SPDL1: variants seen among roughly 807,000 people sequenced by gnomAD.
The protein encoded by SPDL1 is protein Spindly.
A neutral mutation model predicts 79.5 loss-of-function variants in SPDL1; 85 were observed. That is an observed-to-expected ratio of 1.07 (90% CI 0.90 to 1.28). The LOEUF is 1.28. Among genes scored for constraint, SPDL1 ranks in the 50% most tolerant of loss-of-function variants. The pLI, the probability that SPDL1 is intolerant of heterozygous loss-of-function variation, is 0.00. For missense variants in SPDL1, 703 were observed against 697.8 expected (o/e 1.01, Z -0.08); for synonymous variants, 269 against 240.3 (o/e 1.12, Z -1.10).
At chr5:169,593,276 G>A in intron 3 of SPDL1, 78 bp from the exon 4 acceptor site, 2 of 1,274,512 alleles carry the variant, frequency 1.6e-6, no homozygotes, top group Non-Finnish European at 2.1e-6. Flanking sequence ...AGTAAGTTTG[G>A]TTCAATCAGT....
intron 1 of SPDL1, among the ~76,000 whole-genome samples, chr5:169,584,560 T>G (rs1191098466): frequency 6.6e-6 from 1 of 152,210 alleles, no homozygotes; most frequent in African/African-American, 2.4e-5. Flanking sequence ...CTTGTCCAAG[T>G]TCATGCAGCC....
Position 169,601,521 on chromosome 5 carries a change from G to A in SPDL1, c.1566G>A (p.Val522=), listed in dbSNP as rs773385293. The change falls in exon 11 of 12, where the codon GTG becomes GTA. Residue 522 remains valine (V), a synonymous_variant. Coordinates refer to ENST00000265295, the MANE Select transcript of SPDL1 (RefSeq NM_017785.5). ...TCTCTCCTCACAAAAATCTGCCCGT[G>A]GATATGCAGCTGAAGAAGGAAAAGA... ...VSLSPHKNLP[V]DMQLKKEKKC... 6.2e-7 allele frequency: 1 copy of A among 1,614,076 alleles called. No homozygotes were observed. Among genetic ancestry groups the A allele is most frequent in the East Asian group, 2.2e-5 (1 of 44,876 alleles).
In SPDL1 at chr5:169,604,286, A is replaced by G; in HGVS notation, c.*79A>G. The G allele has an allele frequency of 7.6e-7, 1 of 1,321,688 alleles. No homozygotes were observed. The highest frequency in any genetic ancestry group is 1.0e-6 in the Non-Finnish European group (1 of 988,146). 81.9% of individuals were successfully genotyped at this position (1,321,688 alleles called of 1,614,324 possible). A position where few individuals can be genotyped will look rare whatever the true frequency, so the allele number is the denominator to read the frequency against. ...GCTTAAGATTGTCTTGATCTGACAT[A>G]TATCACCTTCTGGGTTATTTACTCA... On this transcript the variant is annotated 3_prime_UTR_variant, in exon 12 of 12. Transcript: ENST00000265295.
Position 169,594,225 on chromosome 5 carries a change from G to A in SPDL1, c.612G>A (p.Gln204=), listed in dbSNP as rs755197562. The A allele has an allele frequency of 1.8e-5, 29 of 1,613,988 alleles. No homozygotes were observed. In the South Asian group the frequency reaches 3.2e-4, roughly 18 times the overall value. The change falls in exon 5 of 12, where the codon CAG becomes CAA. Residue 204 remains glutamine, a synonymous_variant. Coordinates refer to ENST00000265295, the MANE Select transcript of SPDL1 (RefSeq NM_017785.5). ...LELLITNLMR[Q]VDRLKEEKEE... ...TTCTTATTACTAACCTAATGCGCCA[G>A]GTAGACCGGCTTAAAGAGGAAAAAG...
At chr5:169,585,096 ATC>A (rs908690941) in intron 1 of SPDL1, among the ~76,000 whole-genome samples, 1 of 152,156 alleles carries the variant, frequency 6.6e-6, no homozygotes, top group African/African-American at 2.4e-5. Context: ...AACCACGGCT[ATC>A]TCTCTTTGTA....
rs778765909 is a variant in SPDL1, at chr5:169,601,578, C to T, written c.1623C>T (p.Asp541=). The change falls in exon 11 of 12, where the codon GAC becomes GAT. Residue 541 remains aspartate (D), a synonymous_variant. Transcript: ENST00000265295. ...TGAAACTCATAGGAGTTCCCGCTGA[C>T]GCTGAGGCCTTAAGTGAAAGAAGTG... ...KCVKLIGVPA[D]AEALSERSGN... is the part of the protein sequence containing the mutation. The T allele has an allele frequency of 9.3e-6, 15 of 1,614,186 alleles. No homozygotes were observed. Among genetic ancestry groups the T allele is most frequent in the Middle Eastern group, 1.6e-4 (1 of 6,062 alleles).
chr5:169,599,231 C>T lies in SPDL1; in HGVS notation c.1324+72C>T, dbSNP rs940296522. 5.3e-6 allele frequency: 6 copies of T among 1,128,184 alleles called. No individual in the cohort carries two copies. The African/African-American group carries it at 7.9e-5, about 15-fold the overall frequency. The allele number at this position is 1,128,184 out of a possible 1,614,324, so 69.9% of individuals were successfully genotyped here. A position where few individuals can be genotyped will look rare whatever the true frequency, so the allele number is the denominator to read the frequency against. On this transcript the variant is annotated intron_variant, in intron 10 of 11. Coordinates refer to ENST00000265295, the MANE Select transcript of SPDL1 (RefSeq NM_017785.5). The stretch of plus-strand genomic sequence containing the variant: ...GAAATTATATCAAATTATTTTCTTA[C>T]TGTAGTTTTATGCAACTCTATTACA...
chr5:169,598,722 C>T (rs2113378309), intron 9 of SPDL1, 143 bp downstream of exon 9: 1 of 927,482 alleles, frequency 1.1e-6, no homozygotes, highest in East Asian at 2.4e-5. Context: ...TGCAGATATT[C>T]ATGTGTGAAT....
At chr5:169,588,627 T>A (rs764207425) in intron 2 of SPDL1, 52 bp downstream of exon 2, 2 of 1,508,066 alleles carry the variant, frequency 1.3e-6, no homozygotes, top group Non-Finnish European at 8.9e-7. Flanking sequence ...TATTGAAGAT[T>A]TGTCCTGTTT....
At chr5:169,587,198 G>A (rs1243701414) in intron 1 of SPDL1, 1 of 152,070 alleles carries the variant, frequency 6.6e-6, no homozygotes, top group African/African-American at 2.4e-5. Flanking sequence ...TGGAATGTAA[G>A]TTTCATGAGG....
rs188740743 is a variant in SPDL1, at chr5:169,598,833, T to G, written c.1137-139T>G. 217 of 1,197,270 alleles carry G rather than the reference T, an allele frequency of 1.8e-4. 2 individuals carry two copies. The East Asian group carries it at 2.7e-3, about 15-fold the overall frequency. 74.2% of individuals were successfully genotyped at this position (1,197,270 alleles called of 1,614,324 possible). The stretch of plus-strand genomic sequence containing the variant: ...TATTGTTAAGGATTATTTAAATTGT[T>G]TATTGTTTCTTTGTTACTAAAAACC... On this transcript the variant is annotated intron_variant, in intron 9 of 11. Transcript: ENST00000265295.
intron 1 of SPDL1, among the ~76,000 whole-genome samples, chr5:169,587,728 G>A (rs137959150): frequency 2.4e-4 from 36 of 152,110 alleles, no homozygotes; most frequent in Non-Finnish European, 4.9e-4. Context: ...CTTTTCTGGT[G>A]GTATTATTGT....
intron 2 of SPDL1, among the ~76,000 whole-genome samples, chr5:169,590,052 A>T (rs1377484868): frequency 2.6e-5 from 4 of 152,196 alleles, no homozygotes; most frequent in Non-Finnish European, 5.9e-5. Flanking sequence ...ACTCCATGAG[A>T]GAGGGAATTT....
chr5:169,601,270 T>C lies in SPDL1; in HGVS notation c.1325-10T>C. Reference sequence around the variant, plus strand: ...GATTTTTTCTTTTCCCCACTCGTTTTTATTCTCAGAGACAGTTGAAGTGCC... The same window carrying C: ...GATTTTTTCTTTTCCCCACTCGTTTCTATTCTCAGAGACAGTTGAAGTGCC... On this transcript the variant is annotated splice_polypyrimidine_tract_variant and intron_variant, in intron 10 of 11. Coordinates refer to ENST00000265295, the MANE Select transcript of SPDL1 (RefSeq NM_017785.5). The C allele has an allele frequency of 6.3e-7, 1 of 1,579,114 alleles. No homozygotes were observed.
chr5:169,586,897 G>A (rs1195481733), intron 1 of SPDL1, among the ~76,000 whole-genome samples: 3 of 152,138 alleles, frequency 2.0e-5, no homozygotes, highest in Non-Finnish European at 4.4e-5. Flanking sequence ...ACTTTGGAAT[G>A]ACTTCCCATG....
chr5:169,587,200 T>G (rs1755030943), intron 1 of SPDL1: 1 of 152,204 alleles, frequency 6.6e-6, no homozygotes, highest in Non-Finnish European at 1.5e-5. Flanking sequence ...GAATGTAAGT[T>G]TCATGAGGGA....
At chr5:169,594,066 A>G (rs1755443191) in intron 4 of SPDL1, 79 bp from the exon 5 acceptor site, 1 of 1,236,912 alleles carries the variant, frequency 8.1e-7, no homozygotes, top group South Asian at 1.5e-5. Context: ...GATGTGAACC[A>G]CAACTGAGAT....
chr5:169,603,298 G>A (rs996438942), intron 11 of SPDL1, among the ~76,000 whole-genome samples: 14 of 151,656 alleles, frequency 9.2e-5, no homozygotes, highest in African/African-American at 3.4e-4. Flanking sequence ...ATCTTTACAG[G>A]CCTTTAAGAA....
At chr5:169,588,668 T>C in intron 2 of SPDL1, 93 bp downstream of exon 2, 1 of 1,209,102 alleles carries the variant, frequency 8.3e-7, no homozygotes, top group Non-Finnish European at 1.1e-6. Context: ...GTTTATTCTT[T>C]TCTGAAGATT....
Sources: allele counts gnomAD v4.1 joint callset (sites outside exome capture counted in the v4.1 genomes callset), GRCh38; gene constraint gnomAD v4.1.1; transcripts MANE v1.5; gene names NCBI Gene and HGNC (gene_info 2026-07-23, HGNC 2026-07-21).